ST18: variants seen among roughly 807,000 people sequenced by gnomAD.
ST18 encodes ST18 C2H2C-type zinc finger transcription factor.
ST18 carries 50 observed loss-of-function variants against 110.0 expected under a neutral mutation model. That is an observed-to-expected ratio of 0.45 (90% confidence interval 0.36 to 0.58). The LOEUF (loss-of-function observed/expected upper bound fraction) is 0.58. Among genes scored for constraint, ST18 ranks in the 20% least tolerant of loss-of-function variants. The pLI, the probability that ST18 is intolerant of heterozygous loss-of-function variation, is 0.00. For missense variants in ST18, 1,306 were observed against 1,280.1 expected (o/e 1.02, Z -0.31); for synonymous variants, 461 against 452.4 (o/e 1.02, Z -0.24).
rs145271879 is a variant in ST18, at chr8:52,270,889, C to T, written c.-464-40812G>A. On this transcript the variant is annotated intron_variant, in intron 2 of 25. Coordinates refer to ENST00000689386, the MANE Select transcript of ST18 (RefSeq NM_001352837.2). ...AGTGTGTATTATGTGAATTATGACT[C>T]AATCAAGTGGTTATAAGTTTTGTTT... is the stretch of plus-strand genomic sequence containing the variant. Among the ~76,000 whole-genome samples the T allele has an allele frequency of 6.4e-3, 969 of 151,414 alleles. 8 individuals carry two copies. Among genetic ancestry groups the T allele is most frequent in the Non-Finnish European group, 0.011 (715 of 67,872 alleles).
rs1399304719 is a variant in ST18, at chr8:52,209,022, GAGTT to G, written c.86+3053_86+3056del. Among the ~76,000 whole-genome samples the G allele has an allele frequency of 2.0e-5, 3 of 152,104 alleles. No individual in the cohort carries two copies. In the East Asian group the frequency reaches 5.8e-4, roughly 29 times the overall value. On this transcript the variant is annotated intron_variant, in intron 8 of 25. Transcript: ENST00000689386. The stretch of plus-strand genomic sequence containing the variant: ...TCCCAGCAAGTATCATTAGCTTTCT[GAGTT>G]ACTCTAATAACAAATTAGTTAAAAT...
intron 15 of ST18, among the ~76,000 whole-genome samples, chr8:52,156,761 G>T (rs949093224): frequency 5.9e-5 from 9 of 151,836 alleles, no homozygotes; most frequent in Non-Finnish European, 1.3e-4. Context: ...GCATGTGTGT[G>T]TGTGTGCATG....
intron 2 of ST18, among the ~76,000 whole-genome samples, chr8:52,242,620 C>G (rs1395863892): frequency 6.6e-6 from 1 of 152,200 alleles, no homozygotes; most frequent in East Asian, 1.9e-4. Context: ...AGATTGATCA[C>G]TTGAGGTCAG....
chr8:52,209,509 C>T (rs527245190), intron 8 of ST18, among the ~76,000 whole-genome samples: 141 of 152,102 alleles, frequency 9.3e-4, no homozygotes, highest in Admixed American at 2.0e-3. Context: ...CAGTGGCTCA[C>T]GCCTGTAATC....
intron 19 of ST18, among the ~76,000 whole-genome samples, 197 bp downstream of exon 19, chr8:52,136,393 C>A (rs1320297961): frequency 6.6e-5 from 10 of 152,188 alleles, no homozygotes; most frequent in Non-Finnish European, 1.5e-4. Context: ...GCCCCGGAAG[C>A]AAGCAAATTA....
chr8:52,353,982 G>A (rs996568623), intron 2 of ST18, among the ~76,000 whole-genome samples: 2 of 152,180 alleles, frequency 1.3e-5, no homozygotes, highest in Non-Finnish European at 2.9e-5. Context: ...TTGCTCTTGG[G>A]CTAGCCCACT....
intron 12 of ST18, among the ~76,000 whole-genome samples, chr8:52,164,646 T>C (rs2062371513): frequency 6.6e-6 from 1 of 152,252 alleles, no homozygotes; most frequent in African/African-American, 2.4e-5. Flanking sequence ...TACATTTTCA[T>C]GTAAATGCAC....
At chr8:52,188,606 AG>A (rs1483578827) in intron 8 of ST18, among the ~76,000 whole-genome samples, 1 of 152,204 alleles carries the variant, frequency 6.6e-6, no homozygotes, top group Non-Finnish European at 1.5e-5. Flanking sequence ...TTTGTATTTT[AG>A]GAGGACTATT....
intron 2 of ST18, among the ~76,000 whole-genome samples, chr8:52,240,522 C>A (rs2093296545): frequency 6.6e-6 from 1 of 152,140 alleles, no homozygotes. Flanking sequence ...AGGATGGGTT[C>A]TCCACTGGGC....
At chr8:52,358,025 A>G (rs1172543247) in intron 2 of ST18, among the ~76,000 whole-genome samples, 2 of 151,876 alleles carry the variant, frequency 1.3e-5, no homozygotes, top group Non-Finnish European at 2.9e-5. Flanking sequence ...CAATAGAATA[A>G]AAGTTGAAAT....
chr8:52,116,513 T>A, intron 24 of ST18, 95 bp from the exon 25 acceptor site: 1 of 1,236,246 alleles, frequency 8.1e-7, no homozygotes, highest in Non-Finnish European at 1.1e-6. Context: ...TGCATCTGAA[T>A]ACTAAGAGAT....
intron 2 of ST18, among the ~76,000 whole-genome samples, chr8:52,263,610 G>GTTTT (rs58618036): frequency 3.9e-5 from 5 of 128,192 alleles, no homozygotes; most frequent in South Asian, 2.6e-4. Flanking sequence ...TTTTTGTTTT[G>GTTTT]TTTTTTTTTT....
At chr8:52,252,833 C>A (rs1442632945) in intron 2 of ST18, among the ~76,000 whole-genome samples, 2 of 151,814 alleles carry the variant, frequency 1.3e-5, no homozygotes, top group African/African-American at 4.8e-5. Flanking sequence ...AAAGAGAACA[C>A]TGGTAATCTT....
At chr8:52,144,227 G>A (rs2056376186) in intron 16 of ST18, among the ~76,000 whole-genome samples, 1 of 151,588 alleles carries the variant, frequency 6.6e-6, no homozygotes, top group Non-Finnish European at 1.5e-5. Context: ...ATACTTTCTG[G>A]TTTTAATATT....
intron 2 of ST18, among the ~76,000 whole-genome samples, chr8:52,251,773 A>G (rs1413207544): frequency 6.6e-6 from 1 of 152,128 alleles, no homozygotes; most frequent in African/African-American, 2.4e-5. Context: ...AGCAGATGGA[A>G]CCATTTCTGA....
chr8:52,308,108 G>C (rs1372897456), intron 2 of ST18, among the ~76,000 whole-genome samples: 1 of 152,180 alleles, frequency 6.6e-6, no homozygotes, highest in Non-Finnish European at 1.5e-5. Flanking sequence ...GACCCAGGGA[G>C]AATGAATGAG....
In ST18 at chr8:52,379,886, G is replaced by A. The variant is rs939444941; in HGVS notation, c.-465+29442C>T. 1.4e-4 allele frequency among the ~76,000 whole-genome samples: 21 copies of A among 152,326 alleles called. 1 individual carries two copies. Among genetic ancestry groups the A allele is most frequent in the Non-Finnish European group, 2.2e-4 (15 of 68,036 alleles). Reference sequence around the variant, plus strand: ...AATAATTTTGTAGCCACCTCCTGTTGTGATTGTGGTGAGCCCAAGTGTTGC... The same window carrying A: ...AATAATTTTGTAGCCACCTCCTGTTATGATTGTGGTGAGCCCAAGTGTTGC... On this transcript the variant is annotated intron_variant, in intron 2 of 25. Transcript: ENST00000689386.
At chr8:52,284,901 C>G (rs2095443115) in intron 2 of ST18, among the ~76,000 whole-genome samples, 1 of 152,060 alleles carries the variant, frequency 6.6e-6, no homozygotes, top group Non-Finnish European at 1.5e-5. Flanking sequence ...GTTATCATAC[C>G]TTTAAGGATT....
intron 2 of ST18, among the ~76,000 whole-genome samples, chr8:52,390,563 G>T (rs1838958692): frequency 6.6e-6 from 1 of 152,238 alleles, no homozygotes; most frequent in Admixed American, 6.5e-5. Flanking sequence ...CATTTGAGGT[G>T]AATGTCCCCA....
Sources: gnomAD v4.1 joint callset for allele counts (sites outside exome capture counted in the v4.1 genomes callset) on GRCh38, gnomAD v4.1.1 for gene constraint, MANE v1.5 for transcripts, NCBI Gene and HGNC (gene_info 2026-07-23, HGNC 2026-07-21) for gene names.